GABBR2: variants seen among roughly 807,000 people sequenced by gnomAD.
GABBR2 encodes the protein G-protein coupled receptor 51.
A neutral mutation model predicts 105.6 loss-of-function variants in GABBR2; 23 were observed. The ratio of observed to expected loss-of-function variants is 0.22; its 90% CI spans 0.16 to 0.31. The LOEUF (loss-of-function observed/expected upper bound fraction) is 0.31, where lower values mean the gene tolerates loss of function less well. GABBR2 is among the 10% of genes least tolerant of loss of function. GABBR2 has a pLI of 1.00. For missense variants in GABBR2, 734 were observed against 1,245.5 expected (o/e 0.59, Z 6.18); for synonymous variants, 478 against 499.7 (o/e 0.96, Z 0.58).
intron 17 of GABBR2, among the ~76,000 whole-genome samples, chr9:98,297,428 T>C (rs2131341359): frequency 6.6e-6 from 1 of 151,718 alleles, no homozygotes; most frequent in Middle Eastern, 3.4e-3. Flanking sequence ...CTGGCCAACA[T>C]GGTGAAACCC....
At chr9:98,394,746 C>T (rs1214150095) in intron 8 of GABBR2, among the ~76,000 whole-genome samples, 1 of 152,230 alleles carries the variant, frequency 6.6e-6, no homozygotes, top group Admixed American at 6.5e-5. Context: ...GCTCCCCCAC[C>T]CCAGCCCCTC....
intron 3 of GABBR2, chr9:98,538,697 T>C: frequency 2.1e-6 from 1 of 475,206 alleles, no homozygotes; most frequent in Non-Finnish European, 2.8e-6. Flanking sequence ...ACTTCAGGAT[T>C]TCTTTCACTT....
At chr9:98,681,207 G>T (rs997452135) in intron 1 of GABBR2, among the ~76,000 whole-genome samples, 2 of 146,060 alleles carry the variant, frequency 1.4e-5, no homozygotes, top group Non-Finnish European at 3.0e-5. Flanking sequence ...GTCCAACAAC[G>T]ATAGACTGGA....
intron 1 of GABBR2, among the ~76,000 whole-genome samples, chr9:98,606,470 ATCTTTTTTTTT>A: frequency 7.1e-6 from 1 of 140,942 alleles, no homozygotes; most frequent in South Asian, 2.2e-4. Context: ...GGTGTCTATT[ATCTTTTTTTTT>A]TCTTTTTTTT....
rs140447131 is a variant in GABBR2 at position 98,496,915 on chromosome 9, C to G, written c.631-401G>C. 1.3e-4 allele frequency among the ~76,000 whole-genome samples: 20 copies of G among 152,230 alleles called. No individual in the cohort carries two copies. The East Asian group carries it at 2.7e-3, about 21-fold the overall frequency. ...TTTCACTTTTATGGTGAGGAAATAG[C>G]TAAGATATTCAAAGACAATATAGAG... On this transcript the variant is annotated intron_variant, in intron 3 of 18. Coordinates refer to ENST00000259455, the MANE Select transcript of GABBR2 (RefSeq NM_005458.8).
intron 1 of GABBR2, among the ~76,000 whole-genome samples, chr9:98,581,964 T>C (rs1027731419): frequency 6.6e-6 from 1 of 152,230 alleles, no homozygotes; most frequent in African/African-American, 2.4e-5. Context: ...AACTAAAATA[T>C]CTGAGACTAT....
chr9:98,687,090 C>A (rs1200924138), intron 1 of GABBR2, among the ~76,000 whole-genome samples: 1 of 151,890 alleles, frequency 6.6e-6, no homozygotes, highest in Non-Finnish European at 1.5e-5. Context: ...TGAGGGCTGT[C>A]AAAGAAGCCA....
chr9:98,420,735 G>T (rs558418733), intron 7 of GABBR2, among the ~76,000 whole-genome samples: 1 of 152,302 alleles, frequency 6.6e-6, no homozygotes, highest in African/African-American at 2.4e-5. Flanking sequence ...AAGCGCTAGG[G>T]AGAGATCACC....
intron 3 of GABBR2, among the ~76,000 whole-genome samples, chr9:98,526,161 C>G (rs1185001062): frequency 1.3e-5 from 2 of 151,948 alleles, no homozygotes; most frequent in Non-Finnish European, 2.9e-5. Flanking sequence ...GAATTTTTTC[C>G]CAATAAAAAC....
intron 11 of GABBR2, among the ~76,000 whole-genome samples, chr9:98,382,626 T>C (rs1400720544): frequency 6.6e-6 from 1 of 152,100 alleles, no homozygotes; most frequent in Non-Finnish European, 1.5e-5. Context: ...CAGTACCATT[T>C]CCATTACTGT....
At chr9:98,365,560 G>T (rs1831661527) in intron 12 of GABBR2, among the ~76,000 whole-genome samples, 1 of 152,220 alleles carries the variant, frequency 6.6e-6, no homozygotes, top group Non-Finnish European at 1.5e-5. Context: ...GTGACTGAAT[G>T]GGTTTAGGCT....
Position 98,479,600 on chromosome 9 carries a change from T to C in GABBR2, c.798+1332A>G, listed in dbSNP as rs537590875. ...GCCTTCAGGTTCAAATAACCACACGTGACCACGGCTTGCAGCCACTACCCT... is the reference window on the plus strand; with the variant it reads ...GCCTTCAGGTTCAAATAACCACACGCGACCACGGCTTGCAGCCACTACCCT... On this transcript the variant is annotated intron_variant, in intron 5 of 18. Transcript: ENST00000259455. Among the ~76,000 whole-genome samples the C allele has an allele frequency of 2.3e-4, 35 of 152,376 alleles. No individual in the cohort carries two copies. The South Asian group carries it at 7.2e-3, about 32-fold the overall frequency.
At chr9:98,430,599 T>G (rs1246819606) in intron 7 of GABBR2, among the ~76,000 whole-genome samples, 5 of 152,328 alleles carry the variant, frequency 3.3e-5, no homozygotes, top group African/African-American at 9.6e-5. Flanking sequence ...CTTTCCCTGG[T>G]CTCAAGTGCT....
intron 2 of GABBR2, among the ~76,000 whole-genome samples, chr9:98,570,320 G>A (rs1828812499): frequency 6.6e-6 from 1 of 152,252 alleles, no homozygotes; most frequent in Admixed American, 6.5e-5. Context: ...ATCTGCCACG[G>A]CTGCCTTTTA....
At chr9:98,434,323 T>C (rs1460085804) in intron 7 of GABBR2, among the ~76,000 whole-genome samples, 1 of 152,160 alleles carries the variant, frequency 6.6e-6, no homozygotes, top group East Asian at 1.9e-4. Flanking sequence ...CACCTTTATA[T>C]AGACATCTAT....
rs113370922 is a variant in GABBR2 at position 98,669,262 on chromosome 9, T to C, written c.321+39155A>G. On this transcript the variant is annotated intron_variant, in intron 1 of 18. Coordinates refer to ENST00000259455, the MANE Select transcript of GABBR2 (RefSeq NM_005458.8). ...TTTTAATAAAAGCCATCCTAATGGG[T>C]GTAAAGCGGTGACTCGTGGTTTTGA... Among the ~76,000 whole-genome samples, 704 of 152,292 alleles carry C rather than the reference T, an allele frequency of 4.6e-3. 7 individuals are homozygous for C. Among genetic ancestry groups the C allele is most frequent in the African/African-American group, 0.016 (673 of 41,542 alleles).
At chr9:98,311,466 C>T (rs1564011840) in intron 13 of GABBR2, among the ~76,000 whole-genome samples, 1 of 152,244 alleles carries the variant, frequency 6.6e-6, no homozygotes, top group East Asian at 1.9e-4. Context: ...TGAGTCAGAG[C>T]TCCTGAGGGT....
chr9:98,649,648 C>T (rs563624519), intron 1 of GABBR2, among the ~76,000 whole-genome samples: 11 of 152,256 alleles, frequency 7.2e-5, no homozygotes, highest in Admixed American at 1.3e-4. Flanking sequence ...TAAGACTCTC[C>T]ATTTGAAAGT....
Position 98,453,920 on chromosome 9 carries a change from C to T in GABBR2, c.1236+61G>A, listed in dbSNP as rs1826279214. 5.3e-6 allele frequency: 6 copies of T among 1,125,830 alleles called. No homozygotes were observed. In the African/African-American group the frequency reaches 7.6e-5, roughly 14 times the overall value. 69.7% of individuals were successfully genotyped at this position (1,125,830 alleles called of 1,614,324 possible). A position where few individuals can be genotyped will look rare whatever the true frequency, so the allele number is the denominator to read the frequency against. On this transcript the variant is annotated intron_variant, in intron 7 of 18. Transcript: ENST00000259455. The stretch of plus-strand genomic sequence containing the variant: ...TAACAGAAAGCCTGTAACAGCCCCT[C>T]TTTTGCTTTGCATGTTTACAAGGAA...
Sources: gnomAD v4.1 joint callset for allele counts (sites outside exome capture counted in the v4.1 genomes callset) on GRCh38, gnomAD v4.1.1 for gene constraint, MANE v1.5 for transcripts, NCBI Gene and HGNC (gene_info 2026-07-23, HGNC 2026-07-21) for gene names.